The following CD164 variants were observed in gnomAD, a reference collection of about 807,000 sequenced individuals.
The protein encoded by CD164 is sialomucin core protein 24.
A neutral mutation model predicts 24.6 loss-of-function variants in CD164; 11 were observed. The ratio of observed to expected loss-of-function variants is 0.45; its 90% CI spans 0.28 to 0.74. The LOEUF (loss-of-function observed/expected upper bound fraction) is 0.74. CD164 is among the 30% of genes least tolerant of loss of function. CD164 has a pLI of 0.13. For synonymous variants in CD164, 126 were observed against 100.3 expected (o/e 1.26, Z -1.53); for missense variants, 295 against 243.7 (o/e 1.21, Z -1.40).
intron 5 of CD164, among the ~76,000 whole-genome samples, chr6:109,369,576 T>C (rs1770967567): frequency 6.6e-6 from 1 of 152,214 alleles, no homozygotes. Flanking sequence ...ATCTGAATTC[T>C]TTTCAGGCAG....
At position 109,368,851 on chromosome 6, in the gene CD164, T is replaced by C. The variant is rs1770917390; in HGVS notation, c.594A>G (p.Ter198=). ...GTCCTTATTAATTCAATGGGTCTGT[T>C]TACAGAGTGTGGTAATTTCGTTCTT... ...KSKERNYHTL[*] The change falls in exon 6 of 6, where the codon TAA becomes TAG. Residue 198 remains the stop codon, a stop_retained_variant. Transcript: ENST00000310786. The C allele has an allele frequency of 6.2e-7, 1 of 1,612,100 alleles. No homozygotes were observed. Among genetic ancestry groups the C allele is most frequent in the Non-Finnish European group, 8.5e-7 (1 of 1,179,346 alleles).
chr6:109,372,283 T>C (rs897519224), intron 4 of CD164: 1 of 152,138 alleles, frequency 6.6e-6, no homozygotes, highest in Non-Finnish European at 1.5e-5. Flanking sequence ...AGTTTTCAGA[T>C]ATTGCTAAAT....
Position 109,379,075 on chromosome 6 carries a change from CCT to C in CD164, c.259+502_259+503del, listed in dbSNP as rs544640527. On this transcript the variant is annotated intron_variant, in intron 2 of 5. Coordinates refer to ENST00000310786, the MANE Select transcript of CD164 (RefSeq NM_006016.6). Reference sequence around the variant, plus strand: ...AAGCACAGGAAGTCAACTCTCCCTACCTCTTTCTTCTCTACACCTAAGCATCC... The same window carrying C: ...AAGCACAGGAAGTCAACTCTCCCTACCTTTCTTCTCTACACCTAAGCATCC... Among the ~76,000 whole-genome samples, 7 of 152,300 alleles carry C rather than the reference CCT, an allele frequency of 4.6e-5. No homozygotes were observed. In the South Asian group the frequency reaches 1.5e-3, roughly 32 times the overall value.
At chr6:109,379,529 T>C (rs755324525) in intron 2 of CD164, 50 bp downstream of exon 2, 1 of 1,282,076 alleles carries the variant, frequency 7.8e-7, no homozygotes, top group South Asian at 1.3e-5. Flanking sequence ...AGAATTACTG[T>C]ATTTTAAAAT....
chr6:109,367,305 T>C lies in CD164; in HGVS notation c.*1546A>G, dbSNP rs1302825611. On this transcript the variant is annotated 3_prime_UTR_variant, in exon 6 of 6. Coordinates refer to ENST00000310786, the MANE Select transcript of CD164 (RefSeq NM_006016.6). Reference sequence around the variant, plus strand: ...TCATCTTAACAACCTTTAATAGTTATCTAAATGCAGAGTTTGTTTATGAAA... The same window carrying C: ...TCATCTTAACAACCTTTAATAGTTACCTAAATGCAGAGTTTGTTTATGAAA... The C allele has an allele frequency of 1.3e-5, 2 of 152,642 alleles. No individual in the cohort carries two copies. Among genetic ancestry groups the C allele is most frequent in the Non-Finnish European group, 2.9e-5 (2 of 68,016 alleles). The allele number at this position is 152,642 out of a possible 1,614,324, so 9.5% of individuals were successfully genotyped here.
Position 109,367,411 on chromosome 6 carries a change from C to G in CD164, c.*1440G>C, listed in dbSNP as rs546831929. 1 of 152,282 alleles carries G rather than the reference C, an allele frequency of 6.6e-6. No individual in the cohort carries two copies. The highest frequency in any genetic ancestry group is 2.1e-4 in the South Asian group (1 of 4,830). The allele number at this position is 152,282 out of a possible 1,614,324, so 9.4% of individuals were successfully genotyped here. On this transcript the variant is annotated 3_prime_UTR_variant, in exon 6 of 6. Coordinates refer to ENST00000310786, the MANE Select transcript of CD164 (RefSeq NM_006016.6). Reference sequence around the variant, plus strand: ...ACTCAGCCACTATTGGCTAAAGAAACTAAATAAAAAACGTTAATGACCTAG... The same window carrying G: ...ACTCAGCCACTATTGGCTAAAGAAAGTAAATAAAAAACGTTAATGACCTAG...
At position 109,368,276 on chromosome 6, in the gene CD164, CTTTCA is replaced by C; in HGVS notation, c.*570_*574del. 6.5e-7 allele frequency: 1 copy of C among 1,540,388 alleles called. No homozygotes were observed. Among genetic ancestry groups the C allele is most frequent in the Non-Finnish European group, 8.8e-7 (1 of 1,141,068 alleles). On this transcript the variant is annotated 3_prime_UTR_variant, in exon 6 of 6. Transcript: ENST00000310786. ...ATCTGTTATACACACTAATGGTATC[CTTTCA>C]TTTCTTTAAATCTGGAATGTAGTTC...
chr6:109,375,665 G>A (rs994577442), intron 4 of CD164, among the ~76,000 whole-genome samples: 2 of 147,476 alleles, frequency 1.4e-5, no homozygotes, highest in African/African-American at 2.5e-5. Context: ...GTGCATGAAC[G>A]TTATCGTACA....
At chr6:109,377,835 T>C (rs1771500217) in intron 3 of CD164, 65 bp downstream of exon 3, 4 of 1,169,486 alleles carry the variant, frequency 3.4e-6, no homozygotes, top group Non-Finnish European at 5.2e-6. Flanking sequence ...AACAAGGCTT[T>C]CTGAGGCAAT....
rs1582464789 is a variant in CD164, at chr6:109,368,427, G to A, written c.*424C>T. The A allele has an allele frequency of 1.4e-6, 2 of 1,403,440 alleles. No individual in the cohort carries two copies. The highest frequency in any genetic ancestry group is 1.9e-6 in the Non-Finnish European group (2 of 1,080,312). The allele number at this position is 1,403,440 out of a possible 1,614,324, so 86.9% of individuals were successfully genotyped here. Reference sequence around the variant, plus strand: ...AATTTATTCCACTTTTGAAATGACAGCCAAAAATCCACCTAATTGATTCTC... The same window carrying A: ...AATTTATTCCACTTTTGAAATGACAACCAAAAATCCACCTAATTGATTCTC... On this transcript the variant is annotated 3_prime_UTR_variant, in exon 6 of 6. Transcript: ENST00000310786.
In CD164 at chr6:109,368,332, T is replaced by C. The variant is rs539198418; in HGVS notation, c.*519A>G. The C allele has an allele frequency of 7.0e-5, 108 of 1,539,584 alleles. No individual in the cohort carries two copies. The African/African-American group carries it at 1.2e-3, about 16-fold the overall frequency. On this transcript the variant is annotated 3_prime_UTR_variant, in exon 6 of 6. Transcript: ENST00000310786. ...CTTGTGTGGCATCTTATTTCTAATG[T>C]AGAAAAAACAGCTGTTATCAAGCAC...
rs1259906108 is a variant in CD164 at position 109,367,571 on chromosome 6, C to T, written c.*1280G>A. 6.6e-6 allele frequency: 1 copy of T among 152,390 alleles called. No individual in the cohort carries two copies. Among genetic ancestry groups the T allele is most frequent in the Non-Finnish European group, 1.5e-5 (1 of 67,956 alleles). 9.4% of individuals were successfully genotyped at this position (152,390 alleles called of 1,614,324 possible). A position where few individuals can be genotyped will look rare whatever the true frequency, so the allele number is the denominator to read the frequency against. Reference sequence around the variant, plus strand: ...AACTATAGAAGTTAAAGTATGCATGCTTATTATACTATGGGAAACCAAGAA... The same window carrying T: ...AACTATAGAAGTTAAAGTATGCATGTTTATTATACTATGGGAAACCAAGAA... On this transcript the variant is annotated 3_prime_UTR_variant, in exon 6 of 6. Coordinates refer to ENST00000310786, the MANE Select transcript of CD164 (RefSeq NM_006016.6).
At chr6:109,376,048 G>A (rs1225268352) in intron 4 of CD164, 26 bp downstream of exon 4, 2 of 1,536,512 alleles carry the variant, frequency 1.3e-6, no homozygotes, top group Non-Finnish European at 1.8e-6. Flanking sequence ...TGAAGGAAAA[G>A]GAAGAAAACA....
chr6:109,381,485 C>T (rs1771739438), intron 1 of CD164: 1 of 702,136 alleles, frequency 1.4e-6, no homozygotes, highest in Non-Finnish European at 2.6e-6. Flanking sequence ...GCATCTACCT[C>T]CTAGGTTTCA....
intron 4 of CD164, chr6:109,372,121 C>T (rs556687386): frequency 3.3e-5 from 5 of 152,232 alleles, no homozygotes; most frequent in African/African-American, 1.2e-4. Context: ...GTTGATGAAG[C>T]ACAGAAATGA....
At chr6:109,377,406 T>C (rs1347946007) in intron 3 of CD164, among the ~76,000 whole-genome samples, 7 of 152,216 alleles carry the variant, frequency 4.6e-5, no homozygotes, top group African/African-American at 1.7e-4. Flanking sequence ...AAGTAGAATT[T>C]TAACGTTTTG....
rs760927847 is a variant in CD164, at chr6:109,379,547, CAAAACAGT to C, written c.259+24_259+31del. 2.1e-6 allele frequency: 3 copies of C among 1,458,002 alleles called. No homozygotes were observed. The South Asian group carries it at 3.6e-5, about 17-fold the overall frequency. 90.3% of individuals were successfully genotyped at this position (1,458,002 alleles called of 1,614,324 possible). ...ATTACTGTATTTTAAAATGCTATAA[CAAAACAGT>C]TTTGCATCCCCAAAGTTTCTTACCT... On this transcript the variant is annotated intron_variant, in intron 2 of 5. Transcript: ENST00000310786.
rs1770925202 is a variant in CD164, at chr6:109,368,962, A to G, written c.483T>C (p.Phe161=). ...PTSQPVRKST[F]DAASFIGGIV... The stretch of plus-strand genomic sequence containing the variant: ...TTCCTCCAATGAAACTGGCTGCATC[A>G]AAGGTAGACTTTCGCACAGGTTGTG... Residue 161 remains phenylalanine (F), a synonymous_variant, in exon 6 of 6, where the codon TTT becomes TTC. Coordinates refer to ENST00000310786, the MANE Select transcript of CD164 (RefSeq NM_006016.6). The G allele has an allele frequency of 1.9e-6, 3 of 1,613,994 alleles. No homozygotes were observed. The South Asian group carries it at 3.3e-5, about 18-fold the overall frequency.
intron 1 of CD164, chr6:109,379,894 T>C (rs2115170184): frequency 2.4e-6 from 1 of 412,460 alleles, no homozygotes; most frequent in South Asian, 3.0e-5. Flanking sequence ...CAGTGCCTGA[T>C]GGTATCTGTC....
Sources: allele counts gnomAD v4.1 joint callset (sites outside exome capture counted in the v4.1 genomes callset), GRCh38; gene constraint gnomAD v4.1.1; transcripts MANE v1.5; gene names NCBI Gene and HGNC (gene_info 2026-07-23, HGNC 2026-07-21).